LUZP2: variants seen among roughly 807,000 people sequenced by gnomAD.
LUZP2 encodes the protein leucine zipper protein 2.
LUZP2 carries 52 observed loss-of-function variants against 51.6 expected under a neutral mutation model. The ratio of observed to expected loss-of-function variants is 1.01; its 90% CI spans 0.81 to 1.27. The LOEUF (loss-of-function observed/expected upper bound fraction) is 1.27, where lower values mean the gene tolerates loss of function less well. Among genes scored for constraint, LUZP2 ranks in the 50% most tolerant of loss-of-function variants. The pLI, the probability that LUZP2 is intolerant of heterozygous loss-of-function variation, is 0.00. For missense variants in LUZP2, 436 were observed against 395.4 expected (o/e 1.10, Z -0.87); for synonymous variants, 154 against 137.3 (o/e 1.12, Z -0.85).
intron 7 of LUZP2, among the ~76,000 whole-genome samples, chr11:24,928,457 A>C (rs1267879252): frequency 6.6e-6 from 1 of 151,912 alleles, no homozygotes; most frequent in Non-Finnish European, 1.5e-5. Context: ...GATTTTGTCA[A>C]ATGTTTTTTT....
At chr11:24,911,762 T>C (rs1853644099) in intron 6 of LUZP2, among the ~76,000 whole-genome samples, 1 of 152,186 alleles carries the variant, frequency 6.6e-6, no homozygotes, top group African/African-American at 2.4e-5. Flanking sequence ...AAATATTATT[T>C]TGAGTCACTT....
chr11:24,945,281 A>G (rs1282507728), intron 7 of LUZP2, among the ~76,000 whole-genome samples: 1 of 152,198 alleles, frequency 6.6e-6, no homozygotes, highest in Non-Finnish European at 1.5e-5. Context: ...GAAGCCCACA[A>G]TAAGATACAG....
chr11:24,626,154 G>T (rs2133916629), intron 1 of LUZP2, among the ~76,000 whole-genome samples: 1 of 152,194 alleles, frequency 6.6e-6, no homozygotes, highest in African/African-American at 2.4e-5. Context: ...AGTGAATACT[G>T]GTGATTCATC....
chr11:25,048,979 A>G (rs948601340), intron 9 of LUZP2, among the ~76,000 whole-genome samples: 3 of 152,086 alleles, frequency 2.0e-5, no homozygotes, highest in African/African-American at 7.2e-5. Context: ...TACATTTAAT[A>G]TTCTATCAGC....
intron 5 of LUZP2, among the ~76,000 whole-genome samples, chr11:24,835,477 A>G (rs1297268590): frequency 6.6e-6 from 1 of 152,184 alleles, no homozygotes; most frequent in African/African-American, 2.4e-5. Context: ...ATTAAATTAA[A>G]GAGCTTCTGC....
chr11:24,527,567 T>TCTCA (rs796404136), intron 1 of LUZP2, among the ~76,000 whole-genome samples: 9,472 of 131,404 alleles, frequency 0.072, 364 homozygotes, highest in Middle Eastern at 0.13. Flanking sequence ...TCTCTCTCTC[T>TCTCA]CACACACACA....
intron 5 of LUZP2, among the ~76,000 whole-genome samples, chr11:24,870,599 A>G (rs1852038804): frequency 6.6e-6 from 1 of 152,084 alleles, no homozygotes. Flanking sequence ...TTTTAGAGTA[A>G]GGACTTGAGT....
intron 6 of LUZP2, among the ~76,000 whole-genome samples, chr11:24,909,377 G>C (rs1234560813): frequency 6.6e-6 from 1 of 151,794 alleles, no homozygotes; most frequent in Non-Finnish European, 1.5e-5. Context: ...CAACCATTCT[G>C]ACACTTGAAA....
chr11:24,619,889 T>C (rs1371884099), intron 1 of LUZP2, among the ~76,000 whole-genome samples: 1 of 152,192 alleles, frequency 6.6e-6, no homozygotes, highest in Non-Finnish European at 1.5e-5. Context: ...GTTGGATCCA[T>C]GGGTATAGAA....
intron 2 of LUZP2, 131 bp from the exon 3 acceptor site, chr11:24,731,987 C>T (rs562223479): frequency 9.4e-5 from 55 of 585,586 alleles, no homozygotes; most frequent in Non-Finnish European, 1.5e-4. Context: ...CCGTGAGGAC[C>T]ATCATAGACT....
At chr11:25,044,301 C>T (rs1162095351) in intron 9 of LUZP2, among the ~76,000 whole-genome samples, 2 of 120,462 alleles carry the variant, frequency 1.7e-5, no homozygotes, top group African/African-American at 3.0e-5. Context: ...AGTCTGATGC[C>T]CATTTTATTT....
At chr11:25,068,204 T>A (rs1859050853) in intron 10 of LUZP2, among the ~76,000 whole-genome samples, 1 of 151,906 alleles carries the variant, frequency 6.6e-6, no homozygotes, top group African/African-American at 2.4e-5. Context: ...TTAGGAGAAA[T>A]ACTTAATGTA....
At chr11:25,015,436 C>T (rs1283140259) in intron 9 of LUZP2, among the ~76,000 whole-genome samples, 1 of 152,158 alleles carries the variant, frequency 6.6e-6, no homozygotes, top group African/African-American at 2.4e-5. Flanking sequence ...TATCCTTTTC[C>T]TATTTTAGGA....
intron 6 of LUZP2, among the ~76,000 whole-genome samples, chr11:24,908,552 A>T (rs1853530357): frequency 1.3e-5 from 2 of 152,146 alleles, no homozygotes. Flanking sequence ...AAAATCACTA[A>T]TTGTTTGAAG....
intron 5 of LUZP2, among the ~76,000 whole-genome samples, chr11:24,869,885 G>A (rs1268334724): frequency 3.9e-5 from 6 of 152,136 alleles, no homozygotes; most frequent in Admixed American, 3.3e-4. Context: ...TTTACGCTTA[G>A]TGGGAAAATG....
At chr11:24,936,845 T>C (rs1383520610) in intron 7 of LUZP2, among the ~76,000 whole-genome samples, 1 of 152,174 alleles carries the variant, frequency 6.6e-6, no homozygotes, top group Non-Finnish European at 1.5e-5. Context: ...TCCAATTTCA[T>C]AATCTCAACT....
chr11:24,920,009 A>G (rs1281498854), intron 7 of LUZP2, among the ~76,000 whole-genome samples: 2 of 151,868 alleles, frequency 1.3e-5, no homozygotes, highest in Non-Finnish European at 2.9e-5. Context: ...AAGAGATTAT[A>G]AAGTAAAATG....
At chr11:24,684,813 G>A (rs1049058912) in intron 1 of LUZP2, among the ~76,000 whole-genome samples, 2 of 152,186 alleles carry the variant, frequency 1.3e-5, no homozygotes, top group Middle Eastern at 6.8e-3. Flanking sequence ...CCCCAACTAG[G>A]AATTTATGGG....
At position 24,866,168 on chromosome 11, in the gene LUZP2, T is replaced by C. The variant is rs975406303; in HGVS notation, c.397-39823T>C. Among the ~76,000 whole-genome samples, 15 of 3,640 alleles carry C rather than the reference T, an allele frequency of 4.1e-3. No individual in the cohort carries two copies. In the Non-Finnish European group the frequency reaches 0.12, roughly 28 times the overall value. The allele number at this position is 3,640 out of a possible 152,430, so 2.4% of individuals were successfully genotyped here. ...CACACACACACGTATATATTTAATT[T>C]CTTTTTAATTGTCTAATATTCTTCT... On this transcript the variant is annotated intron_variant, in intron 5 of 11. Transcript: ENST00000336930.
Sources: gnomAD v4.1 joint callset for allele counts (sites outside exome capture counted in the v4.1 genomes callset) on GRCh38, gnomAD v4.1.1 for gene constraint, MANE v1.5 for transcripts, NCBI Gene and HGNC (gene_info 2026-07-23, HGNC 2026-07-21) for gene names.